The following TMEM216 variants were observed in gnomAD, a reference collection of about 807,000 sequenced individuals.
TMEM216 encodes the protein transmembrane protein 216.
A neutral mutation model predicts 17.8 loss-of-function variants in TMEM216; 15 were observed. That is an observed-to-expected ratio of 0.84 (90% confidence interval 0.56 to 1.30). The LOEUF (loss-of-function observed/expected upper bound fraction) is 1.30, where lower values mean the gene tolerates loss of function less well. TMEM216 is among the 50% of genes most tolerant of loss of function. The probability of loss-of-function intolerance (pLI) is 0.00; values close to 1 mark genes in which losing one functional copy is unlikely to be tolerated. For synonymous variants in TMEM216, 58 were observed against 73.5 expected (o/e 0.79, Z 1.08); for missense variants, 160 against 175.7 (o/e 0.91, Z 0.51).
intron 3 of TMEM216, among the ~76,000 whole-genome samples, chr11:61,395,810 A>T (rs575387604): frequency 6.6e-6 from 1 of 152,286 alleles, no homozygotes; most frequent in Non-Finnish European, 1.5e-5. Context: ...ACTTGACAAG[A>T]TGCTCAAACT....
intron 3 of TMEM216, among the ~76,000 whole-genome samples, chr11:61,395,086 C>T (rs1858770087): frequency 6.6e-6 from 1 of 152,164 alleles, no homozygotes; most frequent in South Asian, 2.1e-4. Context: ...AAGCAGTCCT[C>T]CAACTTCAGC....
chr11:61,393,944 A>G lies in TMEM216; in HGVS notation c.197A>G (p.Tyr66Cys), dbSNP rs1858738104. ...LVLDVVMLLL[Y>C]LGIEVIRLFF... ...CTGGATGTGGTGATGCTCCTCCTTT[A>G]TCTTGGAATTGAAGTAATTCGCCTG... Residue 66 changes from tyrosine to cysteine, a missense_variant, in exon 3 of 5, where the codon TAT (tyrosine) becomes TGT (cysteine). Tyr to Cys is a radical substitution (Grantham distance 194). Coordinates refer to ENST00000515837, the MANE Select transcript of TMEM216 (RefSeq NM_001173990.3). The G allele has an allele frequency of 1.2e-6, 2 of 1,613,956 alleles. No homozygotes were observed. The highest frequency in any genetic ancestry group is 1.7e-6 in the Non-Finnish European group (2 of 1,179,874).
In TMEM216 at chr11:61,398,259, C is replaced by CA. The variant is rs11382548; in HGVS notation, c.432-11_432-10insA. The CA allele has an allele frequency of 0.86, 1,380,848 of 1,607,570 alleles. 594,321 individuals carry two copies. Among genetic ancestry groups the CA allele is most frequent in the East Asian group, 0.97 (43,627 of 44,812 alleles). On this transcript the variant is annotated splice_polypyrimidine_tract_variant and intron_variant, in intron 4 of 4. Transcript: ENST00000515837. ...TTAACATTTTCTTTCTTTCTGCCAT[C>CA]GTATGGACAGGATTTGAAGTACAGA...
chr11:61,393,265 G>T lies in TMEM216; in HGVS notation c.69G>T (p.Leu23=), dbSNP rs1219199960. The change falls in exon 2 of 5, where the codon CTG becomes CTT. Residue 23 remains leucine (L), a synonymous_variant. Transcript: ENST00000515837. ...KRLSSTPLEI[L]FFLNGWYNAT... ...TGTCCTCCACCCCGCTGGAAATCCT[G>T]TTCTTTCTGAACGGGTGGTATAATG... 2 of 1,535,854 alleles carry T rather than the reference G, an allele frequency of 1.3e-6. No individual in the cohort carries two copies. The highest frequency in any genetic ancestry group is 2.0e-5 in the Admixed American group (1 of 50,972).
chr11:61,395,795 G>C (rs924095998), intron 3 of TMEM216, among the ~76,000 whole-genome samples: 7 of 151,442 alleles, frequency 4.6e-5, no homozygotes, highest in Non-Finnish European at 1.0e-4. Flanking sequence ...CAGAGAACCA[G>C]TAAAACTTGA....
intron 3 of TMEM216, among the ~76,000 whole-genome samples, chr11:61,395,984 T>C (rs1414635951): frequency 2.0e-5 from 3 of 152,296 alleles, no homozygotes; most frequent in Admixed American, 6.5e-5. Context: ...TACTGTGTAA[T>C]GTTTTACTGT....
chr11:61,394,018 A>G (rs1858741319), intron 3 of TMEM216, 42 bp downstream of exon 3: 1 of 1,559,810 alleles, frequency 6.4e-7, no homozygotes, highest in Non-Finnish European at 8.8e-7. Context: ...TTATGAGACA[A>G]GCTGGTATCT....
chr11:61,396,410 C>G (rs535089238), intron 3 of TMEM216, among the ~76,000 whole-genome samples: 1 of 151,898 alleles, frequency 6.6e-6, no homozygotes, highest in African/African-American at 2.4e-5. Context: ...GCCCGGGAGG[C>G]GGAAGTTGCA....
In TMEM216 at chr11:61,398,362, G is replaced by T; in HGVS notation, c.*86G>T. Reference sequence around the variant, plus strand: ...TTAGCCACACCAGTGAGAATTGGTGGGGCAAGTTGTCCTGAGAAAGGCTGT... The same window carrying T: ...TTAGCCACACCAGTGAGAATTGGTGTGGCAAGTTGTCCTGAGAAAGGCTGT... On this transcript the variant is annotated 3_prime_UTR_variant, in exon 5 of 5. Transcript: ENST00000515837. 6.9e-7 allele frequency: 1 copy of T among 1,440,964 alleles called. No individual in the cohort carries two copies. The highest frequency in any genetic ancestry group is 2.3e-5 in the East Asian group (1 of 42,758). 89.3% of individuals were successfully genotyped at this position (1,440,964 alleles called of 1,614,324 possible).
chr11:61,398,464 C>T lies in TMEM216; in HGVS notation c.*188C>T. 3.2e-6 allele frequency: 2 copies of T among 627,930 alleles called. No homozygotes were observed. The highest frequency in any genetic ancestry group is 5.6e-6 in the Non-Finnish European group (2 of 359,082). 38.9% of individuals were successfully genotyped at this position (627,930 alleles called of 1,614,324 possible). On this transcript the variant is annotated 3_prime_UTR_variant, in exon 5 of 5. Transcript: ENST00000515837. ...GTGGGTACCATCTTCTAAACCAGGA[C>T]CATCAGCCCAAGAGACTCTTCTACA...
At chr11:61,393,733 G>A (rs949799534) in intron 2 of TMEM216, 151 bp from the exon 3 acceptor site, 1 of 620,960 alleles carries the variant, frequency 1.6e-6, no homozygotes, top group Non-Finnish European at 2.8e-6. Flanking sequence ...CGCATTGTGA[G>A]TTTATGTATC....
intron 3 of TMEM216, 199 bp downstream of exon 3, chr11:61,394,175 A>G (rs1366503831): frequency 3.6e-6 from 2 of 561,738 alleles, no homozygotes; most frequent in East Asian, 6.1e-5. Flanking sequence ...GTAAGGCTAG[A>G]GATGGGCAAT....
chr11:61,393,451 G>A, intron 2 of TMEM216, 119 bp downstream of exon 2: 1 of 704,952 alleles, frequency 1.4e-6, no homozygotes, highest in Non-Finnish European at 2.4e-6. Context: ...CTTTGTCGCT[G>A]CAAGGCAGGC....
chr11:61,395,765 A>G (rs1858785567), intron 3 of TMEM216, among the ~76,000 whole-genome samples: 2 of 152,212 alleles, frequency 1.3e-5, no homozygotes, highest in East Asian at 3.9e-4. Context: ...CATTAATGGC[A>G]GTTCATGTAA....
chr11:61,397,086 G>A (rs1019129203), intron 3 of TMEM216, among the ~76,000 whole-genome samples: 2 of 151,882 alleles, frequency 1.3e-5, no homozygotes, highest in Non-Finnish European at 2.9e-5. Context: ...AACAATACAC[G>A]TCATTCTCTA....
At chr11:61,396,001 C>A (rs1026898519) in intron 3 of TMEM216, among the ~76,000 whole-genome samples, 3 of 151,928 alleles carry the variant, frequency 2.0e-5, no homozygotes, top group Non-Finnish European at 4.4e-5. Flanking sequence ...CTGTTAGCCC[C>A]AACAATTTCA....
chr11:61,394,272 G>A (rs1453234924), intron 3 of TMEM216: 4 of 379,624 alleles, frequency 1.1e-5, no homozygotes, highest in Middle Eastern at 8.0e-4. Context: ...TAGGGGAATA[G>A]GTTCAGTTGT....
chr11:61,397,007 T>A (rs1022371944), intron 3 of TMEM216, among the ~76,000 whole-genome samples: 4 of 151,670 alleles, frequency 2.6e-5, no homozygotes, highest in African/African-American at 7.3e-5. Context: ...CAAAACAGGA[T>A]GTAGGGTATG....
intron 3 of TMEM216, among the ~76,000 whole-genome samples, chr11:61,396,931 CAA>C (rs35510102): frequency 1.1e-4 from 14 of 122,436 alleles, no homozygotes; most frequent in Admixed American, 2.6e-4. Flanking sequence ...TAAACACTAT[CAA>C]AAAAAAAAAA....
Sources: allele counts gnomAD v4.1 joint callset (sites outside exome capture counted in the v4.1 genomes callset), GRCh38; gene constraint gnomAD v4.1.1; transcripts MANE v1.5; gene names NCBI Gene and HGNC (gene_info 2026-07-23, HGNC 2026-07-21).